The following PCDH15 variants were observed in gnomAD, a reference collection of about 807,000 sequenced individuals.
PCDH15 encodes the protein protocadherin-15.
In PCDH15, 129 loss-of-function variants were observed where a neutral mutation model predicts 178.5. That is an observed-to-expected ratio of 0.72 (90% CI 0.63 to 0.84). The LOEUF (loss-of-function observed/expected upper bound fraction) is 0.84. PCDH15 is among the 40% of genes least tolerant of loss of function. The probability of loss-of-function intolerance (pLI) is 0.00; values close to 1 mark genes in which losing one functional copy is unlikely to be tolerated. For synonymous variants in PCDH15, 800 were observed against 732.0 expected (o/e 1.09, Z -1.50); for missense variants, 2,230 against 2,099.9 (o/e 1.06, Z -1.21).
At chr10:54,239,209 C>A (rs574140230) in intron 8 of PCDH15, among the ~76,000 whole-genome samples, 1 of 151,490 alleles carries the variant, frequency 6.6e-6, no homozygotes, top group Non-Finnish European at 1.5e-5. Context: ...GTTACCTACA[C>A]ATAAGCAGTT....
intron 24 of PCDH15, 27 bp downstream of exon 24, chr10:53,940,839 G>A (rs369588582): frequency 4.7e-6 from 7 of 1,501,948 alleles, no homozygotes; most frequent in Non-Finnish European, 6.5e-6. Context: ...GGTTGATGGT[G>A]AGAACACAAA....
chr10:55,392,949 C>A (rs751287336), intron 2 of PCDH15, among the ~76,000 whole-genome samples: 9 of 151,104 alleles, frequency 6.0e-5, no homozygotes, highest in South Asian at 2.1e-4. Flanking sequence ...CCATAGCATG[C>A]AGCAAGTATC....
At chr10:55,195,116 C>A (rs1364741089) in intron 1 of PCDH15, among the ~76,000 whole-genome samples, 2 of 151,240 alleles carry the variant, frequency 1.3e-5, no homozygotes, top group Admixed American at 6.6e-5. Flanking sequence ...CTCTGCCTCC[C>A]GAGTTCGAGC....
intron 1 of PCDH15, among the ~76,000 whole-genome samples, chr10:55,248,906 T>G (rs905029547): frequency 5.9e-5 from 9 of 152,284 alleles, no homozygotes; most frequent in Admixed American, 5.9e-4. Flanking sequence ...ATTCAAAATG[T>G]CAGTGATATG....
intron 2 of PCDH15, among the ~76,000 whole-genome samples, chr10:54,573,379 C>T (rs922974813): frequency 7.2e-5 from 11 of 152,136 alleles, no homozygotes; most frequent in African/African-American, 2.4e-5. Flanking sequence ...TATCTCTCCT[C>T]TACCAACACA....
chr10:54,930,201 T>C (rs531626427), intron 2 of PCDH15, among the ~76,000 whole-genome samples: 1 of 152,250 alleles, frequency 6.6e-6, no homozygotes, highest in East Asian at 1.9e-4. Context: ...TCCATTTGCA[T>C]AATAAAAGAT....
chr10:55,446,591 T>C (rs1286569358), intron 2 of PCDH15, among the ~76,000 whole-genome samples: 1 of 152,102 alleles, frequency 6.6e-6, no homozygotes, highest in Non-Finnish European at 1.5e-5. Flanking sequence ...TGGTCTCAAT[T>C]GTTGAGCCTC....
At chr10:55,338,495 A>G (rs1844458990) in intron 2 of PCDH15, among the ~76,000 whole-genome samples, 1 of 152,192 alleles carries the variant, frequency 6.6e-6, no homozygotes, top group Non-Finnish European at 1.5e-5. Context: ...CTGGCTGGGG[A>G]CAGTGGCTCA....
chr10:54,415,061 A>T (rs1954120947), intron 3 of PCDH15, among the ~76,000 whole-genome samples: 1 of 152,166 alleles, frequency 6.6e-6, no homozygotes. Context: ...CATTTCACAT[A>T]GAAATGTTTA....
At chr10:55,014,881 T>C (rs1438817084) in intron 2 of PCDH15, among the ~76,000 whole-genome samples, 1 of 152,212 alleles carries the variant, frequency 6.6e-6, no homozygotes, top group Admixed American at 6.5e-5. Context: ...TGTGTCGCCA[T>C]GTCCTCAGTT....
chr10:55,053,452 A>G (rs1419441260), intron 2 of PCDH15, among the ~76,000 whole-genome samples: 2 of 152,206 alleles, frequency 1.3e-5, no homozygotes, highest in African/African-American at 4.8e-5. Flanking sequence ...ATTTGTGGAA[A>G]ATATTTGACT....
intron 2 of PCDH15, among the ~76,000 whole-genome samples, chr10:55,566,505 G>T (rs1343936951): frequency 6.6e-6 from 1 of 151,458 alleles, no homozygotes; most frequent in African/African-American, 2.4e-5. Context: ...CATAAAATTG[G>T]AAAGGAAGAA....
chr10:55,468,319 T>C (rs1839883225), intron 2 of PCDH15: 1 of 152,074 alleles, frequency 6.6e-6, no homozygotes. Flanking sequence ...AAGTAGAAAA[T>C]GGAATTTAGA....
At chr10:53,836,315 G>C (rs1485509429) in intron 29 of PCDH15, among the ~76,000 whole-genome samples, 1 of 152,146 alleles carries the variant, frequency 6.6e-6, no homozygotes, top group African/African-American at 2.4e-5. Flanking sequence ...TACACATGCA[G>C]GCTGTACAAG....
chr10:55,096,048 T>TC (rs1281746424), intron 2 of PCDH15, among the ~76,000 whole-genome samples: 2 of 152,086 alleles, frequency 1.3e-5, no homozygotes, highest in African/African-American at 4.8e-5. Context: ...TTTAGCAATC[T>TC]CCCCAGTTCT....
intron 32 of PCDH15, among the ~76,000 whole-genome samples, chr10:53,825,420 T>A (rs963436606): frequency 1.3e-5 from 2 of 151,856 alleles, no homozygotes; most frequent in African/African-American, 2.4e-5. Flanking sequence ...AATTCACTTC[T>A]ATTAAACCTG....
chr10:54,986,233 A>G (rs894347932), intron 2 of PCDH15, among the ~76,000 whole-genome samples: 15 of 152,128 alleles, frequency 9.9e-5, no homozygotes, highest in African/African-American at 3.4e-4. Context: ...TGCAGGGGAT[A>G]CACTGTAGCT....
intron 20 of PCDH15, 129 bp from the exon 21 acceptor site, chr10:53,995,894 C>T (rs2091817961): frequency 2.4e-6 from 2 of 820,488 alleles, no homozygotes; most frequent in African/African-American, 1.7e-5. Context: ...CTCTCAATTC[C>T]ATTACTCTCA....
chr10:55,370,585 G>A (rs1394376158), intron 2 of PCDH15, among the ~76,000 whole-genome samples: 4 of 151,998 alleles, frequency 2.6e-5, no homozygotes, highest in Non-Finnish European at 5.9e-5. Flanking sequence ...ATTCAGAATC[G>A]CTTCTGAAGT....
Sources: allele counts gnomAD v4.1 joint callset (sites outside exome capture counted in the v4.1 genomes callset), GRCh38; gene constraint gnomAD v4.1.1; transcripts MANE v1.5; gene names NCBI Gene and HGNC (gene_info 2026-07-23, HGNC 2026-07-21).